DNAH6: variants seen among roughly 807,000 people sequenced by gnomAD.
DNAH6 encodes dynein axonemal heavy chain 6, also known as axonemal beta dynein heavy chain 6.
In DNAH6, 340 loss-of-function variants were observed where a neutral mutation model predicts 491.4. The observed-to-expected ratio is 0.69, with a 90% CI of 0.63 to 0.76. The LOEUF is 0.76. Among genes scored for constraint, DNAH6 ranks in the 30% least tolerant of loss-of-function variants. The pLI, the probability that DNAH6 is intolerant of heterozygous loss-of-function variation, is 0.00. For missense variants in DNAH6, 4,443 were observed against 4,972.2 expected (o/e 0.89, Z 3.20); for synonymous variants, 1,603 against 1,686.1 (o/e 0.95, Z 1.21).
chr2:84,791,041 T>G (rs1677682934), intron 68 of DNAH6, among the ~76,000 whole-genome samples: 1 of 151,658 alleles, frequency 6.6e-6, no homozygotes, highest in Admixed American at 6.6e-5. Context: ...AATACAAAAA[T>G]TAGCTGGGTG....
intron 37 of DNAH6, among the ~76,000 whole-genome samples, chr2:84,665,772 C>T (rs6760679): frequency 6.6e-6 from 1 of 152,042 alleles, no homozygotes. Context: ...CATCCTGACA[C>T]CAAAGCCTGG....
At chr2:84,797,768 A>T in intron 70 of DNAH6, 110 bp downstream of exon 70, 2 of 976,124 alleles carry the variant, frequency 2.0e-6, no homozygotes, top group Non-Finnish European at 3.0e-6. Flanking sequence ...AAATAAACAA[A>T]TAAAATAATT....
At chr2:84,628,472 C>T (rs1363565680) in intron 29 of DNAH6, among the ~76,000 whole-genome samples, 1 of 152,130 alleles carries the variant, frequency 6.6e-6, no homozygotes, top group Non-Finnish European at 1.5e-5. Flanking sequence ...ACTACCTTTC[C>T]CAAGACCTAG....
intron 33 of DNAH6, among the ~76,000 whole-genome samples, chr2:84,648,010 TG>T (rs1275325805): frequency 6.6e-6 from 1 of 152,266 alleles, no homozygotes; most frequent in African/African-American, 2.4e-5. Context: ...ATGATTCTAA[TG>T]TTAGTTCTGT....
intron 44 of DNAH6, 145 bp from the exon 45 acceptor site, chr2:84,688,294 C>A: frequency 1.7e-6 from 1 of 590,634 alleles, no homozygotes; most frequent in East Asian, 3.5e-5. Context: ...AAATCAAAAC[C>A]CTATTTCTGA....
chr2:84,696,502 G>A lies in DNAH6; in HGVS notation c.7525-1073G>A, dbSNP rs532170228. On this transcript the variant is annotated intron_variant, in intron 46 of 76. Coordinates refer to ENST00000389394, the MANE Select transcript of DNAH6 (RefSeq NM_001370.2). ...CAAAAATTAGAAACTACACAAATTAGTTTACTTAAAACTTTAGGAGGGAAC... is the reference window on the plus strand; with the variant it reads ...CAAAAATTAGAAACTACACAAATTAATTTACTTAAAACTTTAGGAGGGAAC... Among the ~76,000 whole-genome samples, 142 of 151,954 alleles carry A rather than the reference G, an allele frequency of 9.3e-4. 1 individual carries two copies. The highest frequency in any genetic ancestry group is 3.4e-3 in the Middle Eastern group (1 of 294).
chr2:84,584,342 A>G (rs761627083), intron 15 of DNAH6, 92 bp downstream of exon 15: 37 of 1,261,194 alleles, frequency 2.9e-5, no homozygotes, highest in Middle Eastern at 2.7e-4. Context: ...TAAAAATTGT[A>G]TATATTTACA....
At chr2:84,485,148 G>A in the DNAH6 span, among the ~76,000 whole-genome samples, 1 of 152,142 alleles carries the variant, frequency 6.6e-6, no homozygotes, top group Non-Finnish European at 1.5e-5. Context: ...TAATGAAAGG[G>A]GAATTTTTAA....
rs1182338796 is a variant in DNAH6, at chr2:84,694,240, T to C, written c.7293-9T>C. On this transcript the variant is annotated splice_polypyrimidine_tract_variant and intron_variant, in intron 45 of 76. Transcript: ENST00000389394. The stretch of plus-strand genomic sequence containing the variant: ...ACTTGAAATAAACCCTCTGCTCTGA[T>C]GTTTGCAGGATTGCTCGGATGATAC... 1 of 1,550,734 alleles carries C rather than the reference T, an allele frequency of 6.4e-7. No homozygotes were observed. The highest frequency in any genetic ancestry group is 8.7e-7 in the Non-Finnish European group (1 of 1,146,020).
chr2:84,537,350 A>G (rs1677793632), intron 4 of DNAH6, among the ~76,000 whole-genome samples: 2 of 152,018 alleles, frequency 1.3e-5, no homozygotes, highest in African/African-American at 4.8e-5. Context: ...AGGAATGCTG[A>G]AATCTATGCT....
chr2:84,548,220 G>T, intron 7 of DNAH6, 68 bp from the exon 8 acceptor site: 2 of 1,434,100 alleles, frequency 1.4e-6, no homozygotes, highest in South Asian at 1.4e-5. Flanking sequence ...TCTTTTCTTT[G>T]AATCATATTG....
chr2:84,637,494 T>A, intron 31 of DNAH6, 117 bp downstream of exon 31: 8 of 1,151,496 alleles, frequency 6.9e-6, no homozygotes, highest in Non-Finnish European at 9.4e-6. Flanking sequence ...TTACACATTA[T>A]TAAGTGTAGA....
intron 62 of DNAH6, among the ~76,000 whole-genome samples, chr2:84,735,261 G>A (rs1299390767): frequency 6.6e-6 from 1 of 152,196 alleles, no homozygotes; most frequent in Non-Finnish European, 1.5e-5. Context: ...AGTATTCCAT[G>A]TGTATATATA....
Position 84,653,926 on chromosome 2 carries a change from A to G in DNAH6, c.5634+52A>G, listed in dbSNP as rs548926894. 16 of 1,432,648 alleles carry G rather than the reference A, an allele frequency of 1.1e-5. No homozygotes were observed. In the Admixed American group the frequency reaches 2.6e-4, roughly 24 times the overall value. The allele number at this position is 1,432,648 out of a possible 1,614,324, so 88.7% of individuals were successfully genotyped here. ...AAATCATTCATTAAATTGGCATACTATCGTTACATTTTTTTCTCACACTGA... is the reference window on the plus strand; with the variant it reads ...AAATCATTCATTAAATTGGCATACTGTCGTTACATTTTTTTCTCACACTGA... On this transcript the variant is annotated intron_variant, in intron 34 of 76. Transcript: ENST00000389394.
chr2:84,695,210 A>G (rs963897240), intron 46 of DNAH6, among the ~76,000 whole-genome samples: 7 of 152,180 alleles, frequency 4.6e-5, no homozygotes, highest in Non-Finnish European at 1.0e-4. Context: ...AAAATGTGAT[A>G]GAATGTGAAT....
intron 63 of DNAH6, among the ~76,000 whole-genome samples, chr2:84,748,348 G>C (rs1673162019): frequency 6.6e-6 from 1 of 152,144 alleles, no homozygotes; most frequent in Non-Finnish European, 1.5e-5. Context: ...GTTAGAAGGA[G>C]CTATGGCACT....
At chr2:84,761,336 A>G (rs1674560930) in intron 63 of DNAH6, among the ~76,000 whole-genome samples, 1 of 151,386 alleles carries the variant, frequency 6.6e-6, no homozygotes, top group Non-Finnish European at 1.5e-5. Context: ...GAAGGTGGGA[A>G]GGGGATGGAG....
At chr2:84,648,461 C>T (rs1422802710) in intron 33 of DNAH6, among the ~76,000 whole-genome samples, 5 of 152,208 alleles carry the variant, frequency 3.3e-5, no homozygotes, top group South Asian at 4.1e-4. Context: ...GAAAAGGATT[C>T]ATCATTCTAG....
At chr2:84,745,768 C>G (rs1672918728) in intron 63 of DNAH6, among the ~76,000 whole-genome samples, 1 of 151,974 alleles carries the variant, frequency 6.6e-6, no homozygotes, top group Admixed American at 6.6e-5. Flanking sequence ...CATGGTTATC[C>G]TTTCCCTGGT....
Sources: allele counts gnomAD v4.1 joint callset (sites outside exome capture counted in the v4.1 genomes callset), GRCh38; gene constraint gnomAD v4.1.1; transcripts MANE v1.5; gene names NCBI Gene and HGNC (gene_info 2026-07-23, HGNC 2026-07-21).